Variants in CNIH3 observed in about 807,000 individuals in gnomAD.
CNIH3 encodes protein cornichon homolog 3.
In CNIH3, 14 loss-of-function variants were observed where a neutral mutation model predicts 24.1. The observed-to-expected ratio is 0.58, with a 90% confidence interval of 0.38 to 0.91. CNIH3 has a LOEUF of 0.91. CNIH3 is among the 40% of genes least tolerant of loss of function. The probability of loss-of-function intolerance (pLI) is 0.00; values close to 1 mark genes in which losing one functional copy is unlikely to be tolerated. For synonymous variants in CNIH3, 68 were observed against 73.8 expected (o/e 0.92, Z 0.40); for missense variants, 178 against 196.8 (o/e 0.90, Z 0.57).
intron 3 of CNIH3, among the ~76,000 whole-genome samples, chr1:224,724,939 G>A (rs981780711): frequency 6.6e-6 from 1 of 152,158 alleles, no homozygotes; most frequent in African/African-American, 2.4e-5. Flanking sequence ...GGCCAGGCAT[G>A]GTGGCTCATG....
intron 3 of CNIH3, among the ~76,000 whole-genome samples, chr1:224,689,841 G>T (rs749688657): frequency 2.0e-5 from 3 of 152,154 alleles, no homozygotes; most frequent in Non-Finnish European, 4.4e-5. Context: ...GTTGACTTGT[G>T]CTCATGATTC....
At chr1:224,733,514 A>ATT (rs1318944309) in intron 4 of CNIH3, among the ~76,000 whole-genome samples, 19 of 152,214 alleles carry the variant, frequency 1.2e-4, no homozygotes, top group Non-Finnish European at 2.2e-4. Flanking sequence ...GTGACAGATA[A>ATT]CGTCAGTGCA....
intron 3 of CNIH3, among the ~76,000 whole-genome samples, chr1:224,724,526 C>T (rs142711061): frequency 6.6e-5 from 10 of 152,308 alleles, no homozygotes; most frequent in African/African-American, 2.2e-4. Flanking sequence ...ATACTGACTT[C>T]GTCCGGGGCA....
chr1:224,636,426 G>A (rs138552316), intron 1 of CNIH3, among the ~76,000 whole-genome samples: 59 of 152,302 alleles, frequency 3.9e-4, no homozygotes, highest in Admixed American at 1.5e-3. Context: ...TATTCAGGAC[G>A]AAGCCCGGAG....
chr1:224,530,886 C>G (rs889941542), intron 2 of CNIH3, among the ~76,000 whole-genome samples: 28 of 152,322 alleles, frequency 1.8e-4, no homozygotes, highest in African/African-American at 6.5e-4. Flanking sequence ...GCGTGAGCCA[C>G]TGTGTGGCCT....
chr1:224,698,678 G>T (rs1687309176), intron 3 of CNIH3, among the ~76,000 whole-genome samples: 1 of 152,140 alleles, frequency 6.6e-6, no homozygotes. Context: ...CACATATTCT[G>T]GGCTTTAAAA....
At chr1:224,478,738 A>G (rs992466692) in intron 1 of CNIH3, among the ~76,000 whole-genome samples, 2 of 152,156 alleles carry the variant, frequency 1.3e-5, no homozygotes, top group Non-Finnish European at 2.9e-5. Context: ...CATGCTGCTG[A>G]TAAAGACATA....
At chr1:224,462,585 T>A (rs1675959883) in intron 1 of CNIH3, among the ~76,000 whole-genome samples, 1 of 151,646 alleles carries the variant, frequency 6.6e-6, no homozygotes, top group Admixed American at 6.6e-5. Context: ...CCGCCCGCCT[T>A]GGCCTCCCAA....
At chr1:224,594,647 G>A (rs74146398) in intron 3 of CNIH3, among the ~76,000 whole-genome samples, 3,520 of 152,252 alleles carry the variant, frequency 0.023, 144 homozygotes, top group African/African-American at 0.08. Context: ...AAGGTCAGGC[G>A]GAGCAGCATA....
chr1:224,640,383 T>C (rs1034289683), intron 1 of CNIH3, among the ~76,000 whole-genome samples: 4 of 152,196 alleles, frequency 2.6e-5, no homozygotes, highest in African/African-American at 7.2e-5. Context: ...CATTCCTCAC[T>C]GCTCCCAGCC....
chr1:224,532,012 A>G (rs957950212), intron 2 of CNIH3, among the ~76,000 whole-genome samples: 1 of 152,184 alleles, frequency 6.6e-6, no homozygotes. Context: ...TCTAGTAAGG[A>G]AAGGTAGACG....
chr1:224,440,173 G>A (rs894510356), intron 1 of CNIH3, among the ~76,000 whole-genome samples: 3 of 152,224 alleles, frequency 2.0e-5, no homozygotes, highest in East Asian at 3.9e-4. Context: ...CGCCTGCCTC[G>A]GCGTCCCAAA....
In CNIH3 at chr1:224,448,663, C is replaced by A. The variant is rs141928387; in HGVS notation, n.203+13801C>A. Among the ~76,000 whole-genome samples the A allele has an allele frequency of 1.2e-4, 18 of 152,252 alleles. No individual in the cohort carries two copies. The East Asian group carries it at 2.5e-3, about 21-fold the overall frequency. Reference sequence around the variant, plus strand: ...CCCAAAATGGCCGTGCAGTGCAATCCCACGTGTATCGTTATGAACAGATAA... The same window carrying A: ...CCCAAAATGGCCGTGCAGTGCAATCACACGTGTATCGTTATGAACAGATAA... On this transcript the variant is annotated intron_variant and non_coding_transcript_variant, in intron 1 of 5. Coordinates refer to the CNIH3 transcript ENST00000471578.
chr1:224,487,066 G>A (rs1413619001), intron 1 of CNIH3, among the ~76,000 whole-genome samples: 1 of 152,070 alleles, frequency 6.6e-6, no homozygotes, highest in African/African-American at 2.4e-5. Context: ...TCTAATTTCT[G>A]CTTATATCTT....
intron 3 of CNIH3, among the ~76,000 whole-genome samples, chr1:224,551,219 G>C (rs1679907560): frequency 6.6e-6 from 1 of 151,946 alleles, no homozygotes; most frequent in South Asian, 2.1e-4. Flanking sequence ...CCCATTACTG[G>C]GTATATACCC....
chr1:224,486,084 G>T (rs188741807), intron 1 of CNIH3, among the ~76,000 whole-genome samples: 7 of 151,886 alleles, frequency 4.6e-5, no homozygotes, highest in Non-Finnish European at 1.0e-4. Context: ...GTTACCACAG[G>T]CATCTCAAAT....
intron 1 of CNIH3, among the ~76,000 whole-genome samples, chr1:224,667,347 A>G (rs1231953291): frequency 6.6e-6 from 1 of 152,242 alleles, no homozygotes; most frequent in Non-Finnish European, 1.5e-5. Context: ...TCAGTGAAGG[A>G]CACCATAGCC....
intron 4 of CNIH3, among the ~76,000 whole-genome samples, chr1:224,731,275 C>A (rs536590219): frequency 6.6e-6 from 1 of 151,650 alleles, no homozygotes; most frequent in Admixed American, 6.6e-5. Context: ...TAAATTATAT[C>A]TTAATAAAAA....
At chr1:224,649,684 G>A (rs13374487) in intron 1 of CNIH3, among the ~76,000 whole-genome samples, 66,681 of 152,014 alleles carry the variant, frequency 0.44, 14,919 homozygotes, top group East Asian at 0.57. Flanking sequence ...AACTTTGCCC[G>A]AGGAAAGAAA....
Sources: allele counts gnomAD v4.1 joint callset (sites outside exome capture counted in the v4.1 genomes callset), GRCh38; gene constraint gnomAD v4.1.1; transcripts MANE v1.5; gene names NCBI Gene and HGNC (gene_info 2026-07-23, HGNC 2026-07-21).